The following ELK3 variants were observed in gnomAD, a reference collection of about 807,000 sequenced individuals.
The protein encoded by ELK3 is ETS domain-containing protein Elk-3.
Under a neutral mutation model 28.9 loss-of-function variants are expected in ELK3, and 10 were observed. The ratio of observed to expected loss-of-function variants is 0.35; its 90% confidence interval spans 0.21 to 0.59. The LOEUF (loss-of-function observed/expected upper bound fraction) is 0.59. Among genes scored for constraint, ELK3 ranks in the 20% least tolerant of loss-of-function variants. ELK3 has a pLI of 0.82. For missense variants in ELK3, 463 were observed against 517.3 expected, an observed-to-expected ratio of 0.90 and a Z score of 1.02; for synonymous variants, 272 against 243.5, an observed-to-expected ratio of 1.12 and a Z score of -1.09.
At chr12:96,231,787 G>A (rs748658514) in intron 2 of ELK3, among the ~76,000 whole-genome samples, 2 of 152,098 alleles carry the variant, frequency 1.3e-5, no homozygotes, top group Non-Finnish European at 2.9e-5. Flanking sequence ...CCTGGCCTAG[G>A]GTTTTTAATT....
At chr12:96,200,145 C>T (rs535451474) in intron 1 of ELK3, among the ~76,000 whole-genome samples, 36 of 152,086 alleles carry the variant, frequency 2.4e-4, no homozygotes, top group African/African-American at 8.0e-4. Context: ...GTAATTAGAT[C>T]GAGGTAATTA....
At chr12:96,202,356 T>C (rs1219363031) in intron 1 of ELK3, among the ~76,000 whole-genome samples, 1 of 152,072 alleles carries the variant, frequency 6.6e-6, no homozygotes, top group Non-Finnish European at 1.5e-5. Flanking sequence ...ACTGACAGAA[T>C]TTTCCCCCCG....
intron 1 of ELK3, among the ~76,000 whole-genome samples, chr12:96,219,674 A>G (rs1951648642): frequency 6.6e-6 from 1 of 152,158 alleles, no homozygotes; most frequent in Non-Finnish European, 1.5e-5. Flanking sequence ...GCCAGAGAGG[A>G]TGGTGGGTCC....
chr12:96,195,699 C>T (rs1014126924), intron 1 of ELK3, among the ~76,000 whole-genome samples: 2 of 152,108 alleles, frequency 1.3e-5, no homozygotes, highest in Admixed American at 6.5e-5. Context: ...TCTGGCTTGT[C>T]TGGAAACGGC....
At chr12:96,205,749 TATC>T (rs1303891487) in intron 1 of ELK3, among the ~76,000 whole-genome samples, 1 of 152,216 alleles carries the variant, frequency 6.6e-6, no homozygotes, top group Non-Finnish European at 1.5e-5. Context: ...AGAGAGATGT[TATC>T]ATATCTTTGC....
At position 96,252,782 on chromosome 12, in the gene ELK3, G is replaced by T. The variant is rs117164397; in HGVS notation, c.1002+5048G>T. 9.3e-3 allele frequency among the ~76,000 whole-genome samples: 1,418 copies of T among 152,294 alleles called. 8 individuals are homozygous for T. Among genetic ancestry groups the T allele is most frequent in the Non-Finnish European group, 0.013 (870 of 68,030 alleles). ...GATAGAATCTACTCCTGTTGAAGAC[G>T]CTGTGAATATTGTTGAAATGACAAC... On this transcript the variant is annotated intron_variant, in intron 3 of 4. Transcript: ENST00000228741.
chr12:96,265,078 T>G lies in ELK3; in HGVS notation c.1126-2004T>G, dbSNP rs528526801. Reference sequence around the variant, plus strand: ...AGTTTTGTGGGAAAGAGGCATTGGTTGGAGATGTCTAAAATGGAAATGGTT... The same window carrying G: ...AGTTTTGTGGGAAAGAGGCATTGGTGGGAGATGTCTAAAATGGAAATGGTT... On this transcript the variant is annotated intron_variant, in intron 4 of 4. Coordinates refer to ENST00000228741, the MANE Select transcript of ELK3 (RefSeq NM_005230.4). Among the ~76,000 whole-genome samples, 4 of 152,150 alleles carry G rather than the reference T, an allele frequency of 2.6e-5. No homozygotes were observed. In the South Asian group the frequency reaches 8.3e-4, roughly 32 times the overall value.
At chr12:96,206,021 C>A (rs950568293) in intron 1 of ELK3, among the ~76,000 whole-genome samples, 7 of 152,020 alleles carry the variant, frequency 4.6e-5, no homozygotes, top group African/African-American at 1.7e-4. Context: ...ATCAGATGAC[C>A]CAAGTGTACT....
intron 1 of ELK3, among the ~76,000 whole-genome samples, chr12:96,217,904 C>G (rs1185441220): frequency 1.4e-5 from 2 of 145,410 alleles, no homozygotes; most frequent in South Asian, 4.4e-4. Context: ...CACCACTGCA[C>G]TCCAGCCTGA....
chr12:96,240,299 G>A (rs946602130), intron 2 of ELK3, among the ~76,000 whole-genome samples: 1 of 140,906 alleles, frequency 7.1e-6, no homozygotes, highest in African/African-American at 2.6e-5. Flanking sequence ...GGCTGACACA[G>A]GGTGATATTT....
chr12:96,210,567 A>ACG (rs1364771356), intron 1 of ELK3, among the ~76,000 whole-genome samples: 2 of 148,868 alleles, frequency 1.3e-5, no homozygotes, highest in African/African-American at 2.5e-5. Context: ...GGGCGCACGC[A>ACG]CACACACACA....
intron 1 of ELK3, among the ~76,000 whole-genome samples, chr12:96,214,703 AAAT>A (rs1335305431): frequency 6.6e-6 from 1 of 152,244 alleles, no homozygotes; most frequent in Non-Finnish European, 1.5e-5. Flanking sequence ...CAACTCACAG[AAAT>A]AATAAAAAAC....
intron 3 of ELK3, among the ~76,000 whole-genome samples, chr12:96,249,425 A>G (rs576705584): frequency 6.6e-6 from 1 of 152,252 alleles, no homozygotes; most frequent in Non-Finnish European, 1.5e-5. Flanking sequence ...TATAGGTCAG[A>G]GTGAGCACGT....
chr12:96,213,122 A>C (rs746248916), intron 1 of ELK3, among the ~76,000 whole-genome samples: 34 of 152,228 alleles, frequency 2.2e-4, no homozygotes, highest in Admixed American at 1.4e-3. Flanking sequence ...GCATATACGA[A>C]GGGGGCATAG....
At chr12:96,226,824 G>T (rs774392974) in intron 2 of ELK3, among the ~76,000 whole-genome samples, 1 of 151,860 alleles carries the variant, frequency 6.6e-6, no homozygotes, top group African/African-American at 2.4e-5. Context: ...GGGGGAGGAA[G>T]ATAAGAAGAA....
intron 2 of ELK3, among the ~76,000 whole-genome samples, chr12:96,245,961 A>G (rs3782563): frequency 0.49 from 75,225 of 152,056 alleles, 19,316 homozygotes; most frequent in East Asian, 0.58. Flanking sequence ...CTGTCAATGA[A>G]TGTCACAGAT....
chr12:96,241,500 T>G (rs780465430), intron 2 of ELK3, among the ~76,000 whole-genome samples: 1 of 151,934 alleles, frequency 6.6e-6, no homozygotes, highest in Non-Finnish European at 1.5e-5. Context: ...CCTTTTCTTA[T>G]AGGTAGGTAT....
rs562672813 is a variant in ELK3, at chr12:96,268,646, A to C, written c.*1466A>C. ...AAGTGATGATAAAAACTAACTTGAA[A>C]TGTGACTAAATAACTGATCCAAACT... On this transcript the variant is annotated 3_prime_UTR_variant, in exon 5 of 5. Coordinates refer to ENST00000228741, the MANE Select transcript of ELK3 (RefSeq NM_005230.4). 25 of 152,356 alleles carry C rather than the reference A, an allele frequency of 1.6e-4. No individual in the cohort carries two copies. Among genetic ancestry groups the C allele is most frequent in the African/African-American group, 5.1e-4 (21 of 41,584 alleles). 9.4% of individuals were successfully genotyped at this position (152,356 alleles called of 1,614,324 possible).
chr12:96,255,131 G>A (rs1565791774), intron 3 of ELK3, among the ~76,000 whole-genome samples: 1 of 152,108 alleles, frequency 6.6e-6, no homozygotes, highest in Admixed American at 6.5e-5. Context: ...GGATGGATCT[G>A]ATGTTGGGAG....
Sources: gnomAD v4.1 joint callset for allele counts (sites outside exome capture counted in the v4.1 genomes callset) on GRCh38, gnomAD v4.1.1 for gene constraint, MANE v1.5 for transcripts, NCBI Gene and HGNC (gene_info 2026-07-23, HGNC 2026-07-21) for gene names.